SCAP: variants seen among roughly 807,000 people sequenced by gnomAD.
SCAP encodes the protein SREBF chaperone, also known as sterol regulatory element-binding protein cleavage-activating protein.
In SCAP, 65 loss-of-function variants were observed where a neutral mutation model predicts 123.6. That is an observed-to-expected ratio of 0.53 (90% CI 0.43 to 0.65). SCAP has a LOEUF of 0.65. Ranked by LOEUF, SCAP falls within the 30% of genes least tolerant of loss-of-function variation. The pLI, the probability that SCAP is intolerant of heterozygous loss-of-function variation, is 0.00. For synonymous variants in SCAP, 740 were observed against 726.3 expected, an observed-to-expected ratio of 1.02 and a Z score of -0.30; for missense variants, 1,398 against 1,712.5, an observed-to-expected ratio of 0.82 and a Z score of 3.24.
At chr3:47,463,624 G>A (rs866076286) in intron 1 of SCAP, among the ~76,000 whole-genome samples, 1 of 152,146 alleles carries the variant, frequency 6.6e-6, no homozygotes, top group Admixed American at 6.5e-5. Context: ...CTTGAACCCA[G>A]GAGTCAGAGG....
At chr3:47,446,844 T>C (rs938381786) in intron 1 of SCAP, among the ~76,000 whole-genome samples, 1 of 151,866 alleles carries the variant, frequency 6.6e-6, no homozygotes, top group African/African-American at 2.4e-5. Context: ...CTTGGGAGGC[T>C]GAAGTGGGAG....
intron 2 of SCAP, 107 bp from the exon 3 acceptor site, chr3:47,435,244 G>T: frequency 1.7e-6 from 2 of 1,210,806 alleles, no homozygotes; most frequent in Non-Finnish European, 2.2e-6. Context: ...TGTCAGGACT[G>T]TACAAATGTG....
In SCAP at chr3:47,425,473, C is replaced by G. The variant is rs774112057; in HGVS notation, c.1037+12G>C. On this transcript the variant is annotated intron_variant, in intron 8 of 22. Transcript: ENST00000265565. ...CCACCCTGTGGCCCAGTGGAGCCTGCTAGGGACCTACCCGCCATTGAGGGT... is the reference window on the plus strand; with the variant it reads ...CCACCCTGTGGCCCAGTGGAGCCTGGTAGGGACCTACCCGCCATTGAGGGT... 1 of 1,612,792 alleles carries G rather than the reference C, an allele frequency of 6.2e-7. No homozygotes were observed. Among genetic ancestry groups the G allele is most frequent in the East Asian group, 2.2e-5 (1 of 44,894 alleles).
Position 47,420,617 on chromosome 3 carries a change from G to C in SCAP, c.1500C>G (p.Leu500=). Residue 500 remains leucine (L), a synonymous_variant, in exon 12 of 23, where the codon CTC becomes CTG. Coordinates refer to ENST00000265565, the MANE Select transcript of SCAP (RefSeq NM_012235.4). This position sits in a 1 kb window ranked among gnomAD's most constrained non-coding sequence, Gnocchi z 5.0. ...AGTAGACAACACGCAGCCTCTTGGG[G>C]AGCCGCAGGTTTCGGAAGGAAGACG... ...LQPSSFRNLR[L]PKRLRVVYFL... 6.2e-7 allele frequency: 1 copy of C among 1,612,236 alleles called. No homozygotes were observed.
At chr3:47,415,244 G>A (rs1167429858) in intron 18 of SCAP, 64 bp from the exon 19 acceptor site, 4 of 1,463,400 alleles carry the variant, frequency 2.7e-6, no homozygotes, top group Non-Finnish European at 3.7e-6. Context: ...GGCTGAGCAT[G>A]TGGACATGAG....
chr3:47,425,218 A>T (rs1411298652), intron 8 of SCAP: 1 of 434,024 alleles, frequency 2.3e-6, no homozygotes, highest in Non-Finnish European at 4.1e-6. Context: ...ACATACCAAC[A>T]CACACCCCTT....
chr3:47,421,242 C>A, intron 10 of SCAP: 1 of 591,464 alleles, frequency 1.7e-6, no homozygotes, highest in Non-Finnish European at 3.1e-6. Context: ...CTCACACTTT[C>A]TTCAGAAAGG....
At chr3:47,427,319 C>T in intron 5 of SCAP, 57 bp from the exon 6 acceptor site, 1 of 1,543,748 alleles carries the variant, frequency 6.5e-7, no homozygotes, top group Admixed American at 1.7e-5. Flanking sequence ...GCAGAGCCAC[C>T]AAGGACCCCT....
intron 1 of SCAP, among the ~76,000 whole-genome samples, chr3:47,474,769 C>A (rs1212240613): frequency 1.3e-5 from 2 of 152,172 alleles, no homozygotes; most frequent in African/African-American, 4.8e-5. Context: ...TGCACTCCAG[C>A]CTGGGAGACA....
chr3:47,469,060 A>C (rs1385127074), intron 1 of SCAP, among the ~76,000 whole-genome samples: 2 of 152,232 alleles, frequency 1.3e-5, no homozygotes, highest in Admixed American at 6.5e-5. Context: ...AAAAATGGTT[A>C]AAATGGGCCA....
intron 1 of SCAP, among the ~76,000 whole-genome samples, chr3:47,459,315 AG>A (rs1419310036): frequency 6.6e-6 from 1 of 152,238 alleles, no homozygotes; most frequent in African/African-American, 2.4e-5. Context: ...ATTTCCTGCA[AG>A]AAGCGTGCTT....
chr3:47,415,001 C>T lies in SCAP; in HGVS notation c.3140-8G>A. 2 of 1,582,480 alleles carry T rather than the reference C, an allele frequency of 1.3e-6. No homozygotes were observed. Among genetic ancestry groups the T allele is most frequent in the South Asian group, 1.2e-5 (1 of 86,870 alleles). On this transcript the variant is annotated splice_region_variant and splice_polypyrimidine_tract_variant and intron_variant, in intron 19 of 22. Transcript: ENST00000265565. ...TGCCCCGCCCTGGGGTCCCTGAGGA[C>T]AAAAGGCCAAGTGAAGAATCTCTGA...
chr3:47,427,079 C>T, intron 6 of SCAP, 78 bp downstream of exon 6: 1 of 1,037,480 alleles, frequency 9.6e-7, no homozygotes, highest in Non-Finnish European at 1.5e-6. Context: ...TCAGAACACT[C>T]TAACCAGAAG....
At chr3:47,466,502 ATAATCAAC>A (rs1448065169) in intron 1 of SCAP, among the ~76,000 whole-genome samples, 4 of 152,224 alleles carry the variant, frequency 2.6e-5, no homozygotes, top group African/African-American at 9.6e-5. Context: ...TCTCACAAAT[ATAATCAAC>A]TGATTTTTGA....
chr3:47,445,698 T>C (rs1164385100), intron 1 of SCAP, among the ~76,000 whole-genome samples: 1 of 151,286 alleles, frequency 6.6e-6, no homozygotes, highest in Non-Finnish European at 1.5e-5. Flanking sequence ...CAGCCTCCCT[T>C]GTAGCTGGGA....
At chr3:47,421,666 C>CT (rs1705905111) in intron 10 of SCAP, among the ~76,000 whole-genome samples, 1 of 152,270 alleles carries the variant, frequency 6.6e-6, no homozygotes. Flanking sequence ...TGTCTCAGCT[C>CT]TAACGTCCCA....
intron 1 of SCAP, among the ~76,000 whole-genome samples, chr3:47,461,266 AT>A (rs1318487456): frequency 6.6e-6 from 1 of 152,236 alleles, no homozygotes; most frequent in Non-Finnish European, 1.5e-5. Context: ...CATGGTGCTC[AT>A]TCCCAAATAT....
At chr3:47,430,766 C>T (rs568830654) in intron 3 of SCAP, among the ~76,000 whole-genome samples, 5 of 152,250 alleles carry the variant, frequency 3.3e-5, no homozygotes, top group South Asian at 2.1e-4. Context: ...CGGTGTACTG[C>T]GAGGTGTGGA....
chr3:47,418,881 C>T (rs777602531), intron 13 of SCAP, 38 bp from the exon 14 acceptor site: 3 of 1,474,662 alleles, frequency 2.0e-6, no homozygotes, highest in Non-Finnish European at 2.7e-6. Context: ...CGGGGGGCCT[C>T]CCAGGGCTTC....
Sources: gnomAD v4.1 joint callset for allele counts (sites outside exome capture counted in the v4.1 genomes callset) on GRCh38, gnomAD v4.1.1 for gene constraint, Gnocchi (gnomAD v3.1) non-coding constraint, MANE v1.5 for transcripts, NCBI Gene and HGNC (gene_info 2026-07-23, HGNC 2026-07-21) for gene names.